The following DNAH2 variants were observed in gnomAD, a reference collection of about 807,000 sequenced individuals.
DNAH2 encodes dynein axonemal heavy chain 2, also known as axonemal beta dynein heavy chain 2.
In DNAH2, 323 loss-of-function variants were observed where a neutral mutation model predicts 523.5. The observed-to-expected ratio is 0.62, with a 90% CI of 0.56 to 0.68. The LOEUF (loss-of-function observed/expected upper bound fraction) is 0.68, where lower values mean the gene tolerates loss of function less well. Ranked by LOEUF, DNAH2 falls within the 30% of genes least tolerant of loss-of-function variation. The pLI is 0.00. For missense variants in DNAH2, 4,907 were observed against 5,701.5 expected (o/e 0.86, Z 4.49); for synonymous variants, 2,093 against 2,177.4 (o/e 0.96, Z 1.08).
In DNAH2 at chr17:7,824,000, C is replaced by T; in HGVS notation, c.11478+18C>T. 1 of 1,608,358 alleles carries T rather than the reference C, an allele frequency of 6.2e-7. No homozygotes were observed. The highest frequency in any genetic ancestry group is 8.5e-7 in the Non-Finnish European group (1 of 1,177,382). On this transcript the variant is annotated intron_variant, in intron 75 of 85. Transcript: ENST00000572933. ...TGAAGTCGGTCGGTGGCTCGGCTTC[C>T]TTGTCCCCACGGCCCATGGGTCTTT...
rs2077127801 is a variant in DNAH2 at position 7,798,423 on chromosome 17, T to C, written c.8398+99T>C. Reference sequence around the variant, plus strand: ...GATGGCAGCCAGATGGGCAGACGTGTCTGGCCCGTGTTGGGTGTAGGATGG... The same window carrying C: ...GATGGCAGCCAGATGGGCAGACGTGCCTGGCCCGTGTTGGGTGTAGGATGG... On this transcript the variant is annotated intron_variant, in intron 54 of 85. Coordinates refer to ENST00000572933, the MANE Select transcript of DNAH2 (RefSeq NM_020877.5). This position sits in a 1 kb window ranked among gnomAD's most constrained non-coding sequence, Gnocchi z 5.5. The C allele has an allele frequency of 6.5e-7, 1 of 1,532,696 alleles. No homozygotes were observed. Among genetic ancestry groups the C allele is most frequent in the Non-Finnish European group, 8.8e-7 (1 of 1,136,934 alleles). The allele number at this position is 1,532,696 out of a possible 1,614,324, so 94.9% of individuals were successfully genotyped here.
At chr17:7,773,634 G>A (rs565011252) in intron 28 of DNAH2, among the ~76,000 whole-genome samples, 4 of 152,252 alleles carry the variant, frequency 2.6e-5, no homozygotes, top group African/African-American at 7.2e-5. Context: ...ACGCACTGAG[G>A]CTGTAACTTT....
At chr17:7,757,038 C>T (rs1174977188) in intron 12 of DNAH2, 53 bp from the exon 13 acceptor site, 2 of 1,605,376 alleles carry the variant, frequency 1.2e-6, no homozygotes, top group African/African-American at 1.3e-5. Context: ...GATTGTTGCT[C>T]TAGTTTATCC....
chr17:7,780,601 C>G lies in DNAH2; in HGVS notation c.5851-29C>G, dbSNP rs75837377. On this transcript the variant is annotated intron_variant, in intron 37 of 85. Coordinates refer to ENST00000572933, the MANE Select transcript of DNAH2 (RefSeq NM_020877.5). The surrounding 1 kb of genome is among the most constrained non-coding windows in gnomAD (Gnocchi z 4.4). The stretch of plus-strand genomic sequence containing the variant: ...GCAGAGGGATTTGTGGGGAGATGGA[C>G]TGTTTCCTCCTCTGTTTTGGTTCCC... The G allele has an allele frequency of 2.3e-5, 37 of 1,611,352 alleles. No homozygotes were observed. Among genetic ancestry groups the G allele is most frequent in the Non-Finnish European group, 3.1e-5 (37 of 1,178,682 alleles).
chr17:7,819,490 C>G, intron 72 of DNAH2, 82 bp downstream of exon 72: 1 of 1,478,674 alleles, frequency 6.8e-7, no homozygotes, highest in Admixed American at 1.7e-5. Context: ...CGTGCTTTCC[C>G]GCACCGCGGC....
Position 7,817,555 on chromosome 17 carries a change from C to A in DNAH2, c.10021-6C>A. ...AAGTTAAAGCATGGGGCTTTTCTCT[C>A]CCCAGATCTGGGAGCTTCAGGTTCC... is the stretch of plus-strand genomic sequence containing the variant. On this transcript the variant is annotated splice_polypyrimidine_tract_variant and splice_region_variant and intron_variant, in intron 65 of 85. Coordinates refer to ENST00000572933, the MANE Select transcript of DNAH2 (RefSeq NM_020877.5). 1.2e-6 allele frequency: 2 copies of A among 1,614,096 alleles called. No homozygotes were observed. The highest frequency in any genetic ancestry group is 1.7e-6 in the Non-Finnish European group (2 of 1,180,006).
chr17:7,817,943 T>C lies in DNAH2; in HGVS notation c.10237-3T>C, dbSNP rs1468924756. 3.1e-6 allele frequency: 5 copies of C among 1,613,952 alleles called. No individual in the cohort carries two copies. The highest frequency in any genetic ancestry group is 4.2e-6 in the Non-Finnish European group (5 of 1,180,008). ...TTCCTTCACCTTCCCCCTTGCTCTC[T>C]AGGGCCTGAAGATCATCGACCTGCA... is the stretch of plus-strand genomic sequence containing the variant. On this transcript the variant is annotated splice_polypyrimidine_tract_variant and splice_region_variant and intron_variant, in intron 67 of 85. Coordinates refer to ENST00000572933, the MANE Select transcript of DNAH2 (RefSeq NM_020877.5).
chr17:7,729,588 A>G (rs2074927204), intron 4 of DNAH2, among the ~76,000 whole-genome samples: 1 of 151,976 alleles, frequency 6.6e-6, no homozygotes, highest in African/African-American at 2.4e-5. Flanking sequence ...GTACCACCAC[A>G]CCAGGCTAAT....
intron 4 of DNAH2, among the ~76,000 whole-genome samples, chr17:7,729,560 A>G (rs776193301): frequency 1.3e-5 from 2 of 152,124 alleles, no homozygotes; most frequent in Non-Finnish European, 2.9e-5. Flanking sequence ...CCTCCCGAGT[A>G]TATGGGATTA....
chr17:7,823,119 C>G (rs935711369), intron 73 of DNAH2, among the ~76,000 whole-genome samples: 5 of 151,908 alleles, frequency 3.3e-5, no homozygotes, highest in African/African-American at 1.2e-4. Flanking sequence ...CATGGTGAAA[C>G]CCCGTGTCTA....
chr17:7,829,522 C>T (rs965434934), intron 77 of DNAH2, among the ~76,000 whole-genome samples: 48 of 152,192 alleles, frequency 3.2e-4, no homozygotes, highest in African/African-American at 1.2e-3. Context: ...CAAATCCCAG[C>T]TTGCTCATGG....
At chr17:7,739,090 G>A (rs778001273) in intron 8 of DNAH2, 108 of 682,790 alleles carry the variant, frequency 1.6e-4, no homozygotes, top group East Asian at 2.2e-4. Flanking sequence ...CAGGAACCAG[G>A]GCAAACGGGG....
At chr17:7,723,786 T>C in intron 3 of DNAH2, 97 bp downstream of exon 3, 14 of 1,058,378 alleles carry the variant, frequency 1.3e-5, no homozygotes, top group Non-Finnish European at 2.0e-5. Flanking sequence ...CTCTCTTGTC[T>C]GCCACTTCTT....
chr17:7,758,867 GAC>G lies in DNAH2; in HGVS notation c.2209-17_2209-16del. ...TCTTCCCGAGCTGAAACTCCCCCATGACGGGGCCTGACTCTAGGTGCAGATGA... is the reference window on the plus strand; with the variant it reads ...TCTTCCCGAGCTGAAACTCCCCCATGGGGGCCTGACTCTAGGTGCAGATGA... On this transcript the variant is annotated splice_polypyrimidine_tract_variant and intron_variant, in intron 14 of 85. Coordinates refer to ENST00000572933, the MANE Select transcript of DNAH2 (RefSeq NM_020877.5). 6.2e-7 allele frequency: 1 copy of G among 1,612,000 alleles called. No individual in the cohort carries two copies. Among genetic ancestry groups the G allele is most frequent in the African/African-American group, 1.3e-5 (1 of 75,024 alleles).
At chr17:7,825,063 C>T (rs567689150) in intron 77 of DNAH2, among the ~76,000 whole-genome samples, 1 of 152,170 alleles carries the variant, frequency 6.6e-6, no homozygotes, top group South Asian at 2.1e-4. Context: ...ATAAGTATTC[C>T]AGAGCCAGAG....
chr17:7,734,376 G>T (rs2075080308), intron 6 of DNAH2, 83 bp downstream of exon 6: 1 of 1,597,316 alleles, frequency 6.3e-7, no homozygotes, highest in African/African-American at 1.3e-5. Context: ...AATGGAGTTG[G>T]GTTAGGAGGT....
chr17:7,722,869 T>A lies in DNAH2; in HGVS notation c.167-759T>A, dbSNP rs58832942. Among the ~76,000 whole-genome samples, 241 of 152,256 alleles carry A rather than the reference T, an allele frequency of 1.6e-3. 10 individuals carry two copies. The East Asian group carries it at 0.036, about 23-fold the overall frequency. On this transcript the variant is annotated intron_variant, in intron 2 of 85. Transcript: ENST00000572933. The stretch of plus-strand genomic sequence containing the variant: ...GCTGTAATGCAAATCTCTCTTTGAG[T>A]CCTTGCTTTCAAGGTCTCTACCTAG...
In DNAH2 at chr17:7,791,975, G is replaced by A. The variant is rs1039452527; in HGVS notation, c.6959G>A (p.Ser2320Asn). Residue 2320 changes from serine (S) to asparagine (N), a missense_variant, in exon 45 of 86, where the codon AGC (serine) becomes AAC (asparagine). Ser to Asn is a conservative substitution (Grantham distance 46, BLOSUM62 1). Coordinates refer to ENST00000572933, the MANE Select transcript of DNAH2 (RefSeq NM_020877.5). Reference protein sequence around the residue: ...VTMVEMTFVFSMIWSVCASVD... With the variant: ...VTMVEMTFVFNMIWSVCASVD... ...ATGGTAGAGATGACATTTGTGTTCA[G>A]CATGATCTGGTCTGTGTGTGCCTCT... 4 of 1,613,988 alleles carry A rather than the reference G, an allele frequency of 2.5e-6. No homozygotes were observed. The highest frequency in any genetic ancestry group is 3.4e-6 in the Non-Finnish European group (4 of 1,180,026).
At chr17:7,762,321 C>T (rs887332641) in intron 18 of DNAH2, among the ~76,000 whole-genome samples, 3 of 146,146 alleles carry the variant, frequency 2.1e-5, no homozygotes, top group African/African-American at 5.0e-5. Flanking sequence ...AGGGACTTTG[C>T]GTAGGATTTC....
Sources: gnomAD v4.1 joint callset for allele counts (sites outside exome capture counted in the v4.1 genomes callset) on GRCh38, gnomAD v4.1.1 for gene constraint, Gnocchi (gnomAD v3.1) non-coding constraint, MANE v1.5 for transcripts, NCBI Gene and HGNC (gene_info 2026-07-23, HGNC 2026-07-21) for gene names.